VAC14: variants seen among roughly 807,000 people sequenced by gnomAD.
VAC14 encodes protein VAC14 homolog.
In VAC14, 47 loss-of-function variants were observed where a neutral mutation model predicts 85.3. The ratio of observed to expected loss-of-function variants is 0.55; its 90% CI spans 0.44 to 0.70. The LOEUF (loss-of-function observed/expected upper bound fraction) is 0.70. Among genes scored for constraint, VAC14 ranks in the 30% least tolerant of loss-of-function variants. The pLI is 0.00. For synonymous variants in VAC14, 447 were observed against 430.5 expected, an observed-to-expected ratio of 1.04 and a Z score of -0.47; for missense variants, 861 against 1,004.3, an observed-to-expected ratio of 0.86 and a Z score of 1.93.
At chr16:70,702,352 G>A (rs752445340) in intron 14 of VAC14, among the ~76,000 whole-genome samples, 2 of 152,200 alleles carry the variant, frequency 1.3e-5, no homozygotes, top group Non-Finnish European at 2.9e-5. Flanking sequence ...TCTGAGTGAG[G>A]TGTCTCCCTC....
intron 3 of VAC14, 121 bp downstream of exon 3, chr16:70,785,581 T>C: frequency 8.2e-7 from 1 of 1,223,366 alleles, no homozygotes; most frequent in Non-Finnish European, 1.1e-6. Flanking sequence ...TAAGTGTCCC[T>C]TGCAGCCACA....
chr16:70,689,657 C>T (rs2053562527), intron 18 of VAC14: 3 of 985,586 alleles, frequency 3.0e-6, no homozygotes, highest in African/African-American at 1.7e-5. Flanking sequence ...TCTACGGCTG[C>T]GGCTGCTGCT....
In VAC14 at chr16:70,762,407, C is replaced by T. The variant is rs1035141359; in HGVS notation, c.1371+133G>A. On this transcript the variant is annotated intron_variant, in intron 12 of 18. Transcript: ENST00000261776. This position sits in a 1 kb window ranked among gnomAD's most constrained non-coding sequence, Gnocchi z 4.1. ...ACAGGTGTGAGCCACTGCACCTGGC[C>T]CCAAAGTGAGTATTAAACACAGCTT... 8 of 963,116 alleles carry T rather than the reference C, an allele frequency of 8.3e-6. No homozygotes were observed. Among genetic ancestry groups the T allele is most frequent in the Non-Finnish European group, 1.3e-5 (8 of 625,876 alleles). The allele number at this position is 963,116 out of a possible 1,614,324, so 59.7% of individuals were successfully genotyped here.
chr16:70,693,641 A>AC (rs1311274410), intron 17 of VAC14, among the ~76,000 whole-genome samples: 2 of 151,958 alleles, frequency 1.3e-5, no homozygotes, highest in Non-Finnish European at 2.9e-5. Flanking sequence ...TGCAGCACGG[A>AC]CCCCGCTGGT....
rs112667587 is a variant in VAC14 at position 70,744,427 on chromosome 16, G to A, written c.1524C>T (p.Thr508=). The A allele has an allele frequency of 6.8e-6, 11 of 1,614,052 alleles. No homozygotes were observed. The highest frequency in any genetic ancestry group is 1.7e-4 in the Middle Eastern group (1 of 6,056). ...PTPGRAGLLN[T]SGTKGLECSP... ...AACCTTCAGGAGAAGACTTACCAGA[G>A]GTGTTCAGTAGGCCGGCTCTGCCAG... The change falls in exon 13 of 19, where the codon ACC becomes ACT. Residue 508 remains threonine, a synonymous_variant. Coordinates refer to ENST00000261776, the MANE Select transcript of VAC14 (RefSeq NM_018052.5).
At chr16:70,747,273 G>C (rs1597927870) in intron 12 of VAC14, 1 of 152,152 alleles carries the variant, frequency 6.6e-6, no homozygotes, top group South Asian at 2.1e-4. Flanking sequence ...CAGAGACAGA[G>C]GGTGGATTTG....
At chr16:70,697,673 C>A (rs1413413840) in intron 15 of VAC14, among the ~76,000 whole-genome samples, 1 of 152,236 alleles carries the variant, frequency 6.6e-6, no homozygotes, top group Non-Finnish European at 1.5e-5. Flanking sequence ...CTCCTCCCCA[C>A]CTCTGCAGTC....
chr16:70,794,148 A>G (rs556052279), intron 1 of VAC14, among the ~76,000 whole-genome samples: 1 of 152,350 alleles, frequency 6.6e-6, no homozygotes, highest in Admixed American at 6.5e-5. Context: ...CACAATTCAC[A>G]TACCATAAAT....
At chr16:70,703,082 C>G (rs1567525714) in intron 14 of VAC14, among the ~76,000 whole-genome samples, 2 of 152,236 alleles carry the variant, frequency 1.3e-5, no homozygotes, top group Non-Finnish European at 2.9e-5. Flanking sequence ...TGAGTGGGCA[C>G]CAGGGGCTGT....
chr16:70,771,833 G>A (rs1392951761), intron 10 of VAC14: 1 of 378,532 alleles, frequency 2.6e-6, no homozygotes, highest in Non-Finnish European at 4.8e-6. Context: ...TGCCTGCCTT[G>A]GCCTCCCCAA....
At chr16:70,752,400 C>A (rs2031457492) in intron 12 of VAC14, among the ~76,000 whole-genome samples, 1 of 152,238 alleles carries the variant, frequency 6.6e-6, no homozygotes, top group Non-Finnish European at 1.5e-5. Context: ...TCTCTCCCAC[C>A]CATTCCAAGG....
chr16:70,689,089 T>C, intron 18 of VAC14: 1 of 985,376 alleles, frequency 1.0e-6, no homozygotes, highest in Non-Finnish European at 1.2e-6. Context: ...GTGCAGGCAC[T>C]GGCAGAGCAC....
Position 70,783,055 on chromosome 16 carries a change from C to T in VAC14, c.789G>A (p.Leu263=), listed in dbSNP as rs1270732986. The stretch of plus-strand genomic sequence containing the variant: ...CACCTGTTGTCTGGCAGTGGATCAC[C>T]AGGATGTTGGCCATCTCAGCAAACT... ...SVKFAEMANI[L]VIHCQTTDDL... Residue 263 remains leucine, a synonymous_variant, in exon 7 of 19, where the codon CTG becomes CTA. Transcript: ENST00000261776. The T allele has an allele frequency of 6.2e-7, 1 of 1,614,202 alleles. No homozygotes were observed.
intron 14 of VAC14, chr16:70,714,835 C>G (rs1357084659): frequency 6.6e-6 from 1 of 152,288 alleles, no homozygotes; most frequent in Non-Finnish European, 1.5e-5. Flanking sequence ...TGCGGTGTTT[C>G]ACGAGACTAA....
At chr16:70,763,871 C>T (rs1567582108) in intron 10 of VAC14, among the ~76,000 whole-genome samples, 1 of 152,206 alleles carries the variant, frequency 6.6e-6, no homozygotes, top group South Asian at 2.1e-4. Context: ...GCACTGCTCC[C>T]TGGCACAGGC....
At chr16:70,748,104 G>A (rs1264707340) in intron 12 of VAC14, among the ~76,000 whole-genome samples, 3 of 151,432 alleles carry the variant, frequency 2.0e-5, no homozygotes, top group African/African-American at 7.4e-5. Context: ...AGGTAACAGC[G>A]AGTCCACCTC....
chr16:70,713,049 C>CGGTGGCTCTTT (rs1480787175), intron 14 of VAC14, among the ~76,000 whole-genome samples: 3 of 152,160 alleles, frequency 2.0e-5, no homozygotes, highest in African/African-American at 7.2e-5. Context: ...TTTTTAGCTA[C>CGGTGGCTCTTT]GGTGGCTCTT....
intron 12 of VAC14, chr16:70,747,432 T>C (rs1406790542): frequency 2.0e-5 from 3 of 151,390 alleles, no homozygotes; most frequent in Non-Finnish European, 2.9e-5. Flanking sequence ...AAAGTTACTC[T>C]ATGGTATACT....
chr16:70,720,218 C>T (rs2054256937), intron 14 of VAC14, among the ~76,000 whole-genome samples: 1 of 152,204 alleles, frequency 6.6e-6, no homozygotes, highest in East Asian at 1.9e-4. Flanking sequence ...AGTGACCTCT[C>T]TGGTGCTGGA....
Sources: gnomAD v4.1 joint callset for allele counts (sites outside exome capture counted in the v4.1 genomes callset) on GRCh38, gnomAD v4.1.1 for gene constraint, Gnocchi (gnomAD v3.1) non-coding constraint, MANE v1.5 for transcripts, NCBI Gene and HGNC (gene_info 2026-07-23, HGNC 2026-07-21) for gene names.